ZNF273: variants seen among roughly 807,000 people sequenced by gnomAD.
ZNF273 encodes the protein zinc finger protein 273.
Under a neutral mutation model 14.9 loss-of-function variants are expected in ZNF273, and 11 were observed. That is an observed-to-expected ratio of 0.74 (90% CI 0.46 to 1.22). The LOEUF (loss-of-function observed/expected upper bound fraction) is 1.22, where lower values mean the gene tolerates loss of function less well. ZNF273 is among the 50% of genes most tolerant of loss of function. ZNF273 has a pLI of 0.00. For synonymous variants in ZNF273, 199 were observed against 223.9 expected (o/e 0.89, Z 0.99); for missense variants, 577 against 660.6 (o/e 0.87, Z 1.39).
chr7:64,920,506 A>C (rs1232154870), intron 3 of ZNF273, among the ~76,000 whole-genome samples: 1 of 141,490 alleles, frequency 7.1e-6, no homozygotes, highest in South Asian at 2.3e-4. Context: ...CTATAAATGC[A>C]TGTCTTTCTC....
intron 1 of ZNF273, among the ~76,000 whole-genome samples, chr7:64,911,382 G>A (rs1793500715): frequency 6.6e-6 from 1 of 151,210 alleles, no homozygotes. Flanking sequence ...TCCTGCTCCA[G>A]CCTCCCAAAT....
intron 1 of ZNF273, among the ~76,000 whole-genome samples, chr7:64,912,826 G>GTTTTTTGTTTTTTTTTTTTTT: frequency 8.2e-5 from 3 of 36,568 alleles, no homozygotes; most frequent in East Asian, 6.2e-4. Context: ...ATTCATTTTA[G>GTTTTTTGTTTTTTTTTTTTTT]TTTTTTTTTT....
At chr7:64,888,174 G>A (rs748100265) in intron 1 of ZNF273, among the ~76,000 whole-genome samples, 6 of 152,096 alleles carry the variant, frequency 3.9e-5, no homozygotes, top group Non-Finnish European at 7.4e-5. Flanking sequence ...GGGAGCCCCC[G>A]GGGCCCTCAT....
At chr7:64,900,353 T>G (rs969691610), upstream of ZNF273, among the ~76,000 whole-genome samples, 1 of 152,178 alleles carries the variant, frequency 6.6e-6, no homozygotes, top group African/African-American at 2.4e-5. Context: ...TTCAAACTCC[T>G]GGGCTCAAGT....
chr7:64,895,004 G>A (rs987069682), intron 3 of ZNF273, among the ~76,000 whole-genome samples: 1 of 151,960 alleles, frequency 6.6e-6, no homozygotes, highest in Non-Finnish European at 1.5e-5. Flanking sequence ...GGGCATGGCA[G>A]CGTGTACCTG....
upstream of ZNF273, among the ~76,000 whole-genome samples, chr7:64,901,818 C>T (rs542228783): frequency 1.3e-5 from 2 of 151,850 alleles, no homozygotes; most frequent in South Asian, 4.2e-4. Context: ...GGCACGATGG[C>T]ACATGCCGGT....
rs569518252 is a variant in ZNF273 at position 64,923,493 on chromosome 7, C to T, written c.326-4161C>T. 295 of 396,654 alleles carry T rather than the reference C, an allele frequency of 7.4e-4. 2 individuals carry two copies. In the Middle Eastern group the frequency reaches 8.6e-3, roughly 12 times the overall value. The allele number at this position is 396,654 out of a possible 1,614,324, so 24.6% of individuals were successfully genotyped here. Reference sequence around the variant, plus strand: ...AGTAGCTGGGATTATAGGCGAGTGCCATCATGCCCGGCTAATTTTTGTATT... The same window carrying T: ...AGTAGCTGGGATTATAGGCGAGTGCTATCATGCCCGGCTAATTTTTGTATT... On this transcript the variant is annotated intron_variant, in intron 3 of 3. Coordinates refer to ENST00000476120, the MANE Select transcript of ZNF273 (RefSeq NM_021148.3).
At chr7:64,914,839 T>C (rs1037253241) in intron 1 of ZNF273, among the ~76,000 whole-genome samples, 1 of 39,288 alleles carries the variant, frequency 2.5e-5, no homozygotes, top group African/African-American at 6.2e-5. Flanking sequence ...AAAGGCACAT[T>C]CTCAAGATGC....
chr7:64,937,034 T>C, the ZNF273 span, among the ~76,000 whole-genome samples: 2 of 152,238 alleles, frequency 1.3e-5, no homozygotes, highest in East Asian at 1.9e-4. Flanking sequence ...TCAAATGATA[T>C]TACTTTTTTG....
At chr7:64,926,561 A>G (rs1794775867) in intron 3 of ZNF273, among the ~76,000 whole-genome samples, 3 of 152,124 alleles carry the variant, frequency 2.0e-5, no homozygotes, top group Non-Finnish European at 4.4e-5. Flanking sequence ...TTTTAAAATT[A>G]ATTTTTACAG....
At chr7:64,911,888 C>T (rs1793541144) in intron 1 of ZNF273, among the ~76,000 whole-genome samples, 1 of 152,206 alleles carries the variant, frequency 6.6e-6, no homozygotes, top group Non-Finnish European at 1.5e-5. Flanking sequence ...CCTCTTAACA[C>T]TGCCTCAGCT....
At chr7:64,926,656 A>AT (rs1385437597) in intron 3 of ZNF273, among the ~76,000 whole-genome samples, 2 of 152,094 alleles carry the variant, frequency 1.3e-5, no homozygotes, top group Non-Finnish European at 2.9e-5. Context: ...ATGCATTATA[A>AT]TTTTTTATTG....
At chr7:64,894,527 A>C (rs1190911062), downstream of ZNF273, among the ~76,000 whole-genome samples, 1 of 152,186 alleles carries the variant, frequency 6.6e-6, no homozygotes, top group African/African-American at 2.4e-5. Flanking sequence ...TTCCTTTAGA[A>C]AAGATTGGCT....
At chr7:64,909,367 G>A (rs1793331832) in intron 1 of ZNF273, among the ~76,000 whole-genome samples, 1 of 152,016 alleles carries the variant, frequency 6.6e-6, no homozygotes, top group South Asian at 2.1e-4. Context: ...TGGGATTACA[G>A]GCATGCACCA....
At chr7:64,889,144 G>T, downstream of ZNF273, 1 of 985,956 alleles carries the variant, frequency 1.0e-6, no homozygotes, top group Non-Finnish European at 1.2e-6. The surrounding 1 kb of genome is among the most constrained non-coding windows in gnomAD (Gnocchi z 4.2). Context: ...TTGCGGAGGG[G>T]ACGCCCGGGC....
At chr7:64,889,226 G>C (rs1031084258), downstream of ZNF273, 3 of 985,678 alleles carry the variant, frequency 3.0e-6, no homozygotes, top group African/African-American at 5.2e-5. The surrounding 1 kb of genome is among the most constrained non-coding windows in gnomAD (Gnocchi z 4.2). Flanking sequence ...AGAGGGGCTG[G>C]CGCTGTTCCT....
downstream of ZNF273, among the ~76,000 whole-genome samples, chr7:64,894,203 C>T (rs963580304): frequency 3.3e-5 from 5 of 152,146 alleles, no homozygotes; most frequent in Non-Finnish European, 5.9e-5. Flanking sequence ...CAGGGTTTCA[C>T]CGTGTTTGCC....
intron 3 of ZNF273, among the ~76,000 whole-genome samples, chr7:64,921,628 T>TTTTTTTTTTTTTTTTTTTTTTTTTTC (rs1794461084): frequency 2.5e-5 from 1 of 39,880 alleles, no homozygotes; most frequent in African/African-American, 1.1e-4. Context: ...TTTTTTTTTT[T>TTTTTTTTTTTTTTTTTTTTTTTTTTC]TTTTTTTTTG....
intron 1 of ZNF273, among the ~76,000 whole-genome samples, chr7:64,887,047 C>T (rs1409337356): frequency 1.3e-5 from 2 of 152,176 alleles, no homozygotes; most frequent in African/African-American, 4.8e-5. Flanking sequence ...ACTTATTCCT[C>T]ACAAAGGTGT....
Sources: gnomAD v4.1 joint callset for allele counts (sites outside exome capture counted in the v4.1 genomes callset) on GRCh38, gnomAD v4.1.1 for gene constraint, Gnocchi (gnomAD v3.1) non-coding constraint, MANE v1.5 for transcripts, NCBI Gene and HGNC (gene_info 2026-07-23, HGNC 2026-07-21) for gene names.